Variants in LMNB1 observed in about 807,000 individuals in gnomAD.
LMNB1 encodes the protein lamin-B1.
A neutral mutation model predicts 67.1 loss-of-function variants in LMNB1; 23 were observed. The observed-to-expected ratio is 0.34, with a 90% CI of 0.25 to 0.49. The LOEUF (loss-of-function observed/expected upper bound fraction) is 0.49. Among genes scored for constraint, LMNB1 ranks in the 20% least tolerant of loss-of-function variants. The pLI is 0.99. For synonymous variants in LMNB1, 281 were observed against 282.9 expected (o/e 0.99, Z 0.07); for missense variants, 634 against 746.5 (o/e 0.85, Z 1.76).
intron 1 of LMNB1, among the ~76,000 whole-genome samples, chr5:126,779,162 A>G (rs973722467): frequency 2.6e-5 from 4 of 152,114 alleles, no homozygotes; most frequent in Non-Finnish European, 5.9e-5. Flanking sequence ...GATTTTGTGT[A>G]TTTTTACTTA....
chr5:126,782,078 C>CA (rs1387322545), intron 1 of LMNB1, among the ~76,000 whole-genome samples: 1 of 152,196 alleles, frequency 6.6e-6, no homozygotes, highest in African/African-American at 2.4e-5. Context: ...TGCCATCACT[C>CA]AACACTTTAA....
At chr5:126,811,980 G>A in intron 5 of LMNB1, 82 bp downstream of exon 5, 1 of 1,364,746 alleles carries the variant, frequency 7.3e-7, no homozygotes, top group East Asian at 2.4e-5. Context: ...TTGGGCTGAT[G>A]TCACTCCTCC....
At chr5:126,821,853 G>A (rs1236847530) in intron 7 of LMNB1, among the ~76,000 whole-genome samples, 2 of 151,986 alleles carry the variant, frequency 1.3e-5, no homozygotes, top group Non-Finnish European at 2.9e-5. Context: ...ATATGTTCAG[G>A]GCCTGCTAAA....
chr5:126,788,984 C>T (rs1171521742), intron 1 of LMNB1, among the ~76,000 whole-genome samples: 2 of 151,458 alleles, frequency 1.3e-5, no homozygotes, highest in African/African-American at 4.9e-5. Flanking sequence ...TAACCTGGAC[C>T]TCCCAGGCTC....
intron 1 of LMNB1, among the ~76,000 whole-genome samples, chr5:126,792,142 CTTT>C (rs5871231): frequency 1.7e-4 from 21 of 123,098 alleles, no homozygotes; most frequent in Non-Finnish European, 1.4e-4. Flanking sequence ...GATTTGGTTC[CTTT>C]TTTTTTTTTT....
chr5:126,832,948 A>G (rs183737744), intron 10 of LMNB1, 147 bp downstream of exon 10: 186 of 468,280 alleles, frequency 4.0e-4, no homozygotes, highest in African/African-American at 3.3e-3. Context: ...CCAAAGGGAT[A>G]TTCAAGGTGA....
rs111865788 is a variant in LMNB1 at position 126,777,211 on chromosome 5, G to T, written c.-298G>T. 0.057 allele frequency: 16,103 copies of T among 280,368 alleles called. 513 individuals are homozygous for T. The highest frequency in any genetic ancestry group is 0.079 in the South Asian group (483 of 6,104). The allele number at this position is 280,368 out of a possible 1,614,324, so 17.4% of individuals were successfully genotyped here. ...CGGCGCGAACCCTGCTGGGCCTCCAGTCACCCTCGTCTTGCATTTTCCCGC... is the reference window on the plus strand; with the variant it reads ...CGGCGCGAACCCTGCTGGGCCTCCATTCACCCTCGTCTTGCATTTTCCCGC... On this transcript the variant is annotated 5_prime_UTR_variant, in exon 1 of 11. Transcript: ENST00000261366.
At chr5:126,787,546 A>ATATTTTTTTTTTTT in intron 1 of LMNB1, among the ~76,000 whole-genome samples, 18 of 65,570 alleles carry the variant, frequency 2.7e-4, no homozygotes, top group African/African-American at 6.6e-4. Flanking sequence ...ATATATATAT[A>ATATTTTTTTTTTTT]TTTTTTTTTT....
At chr5:126,803,412 A>AT (rs1211184110) in intron 1 of LMNB1, among the ~76,000 whole-genome samples, 2 of 149,014 alleles carry the variant, frequency 1.3e-5, no homozygotes, top group African/African-American at 5.0e-5. Flanking sequence ...TGCCTGGATA[A>AT]TTTTTTTGTA....
Position 126,836,180 on chromosome 5 carries a change from C to A in LMNB1, c.1720-43C>A, listed in dbSNP as rs777438863. The stretch of plus-strand genomic sequence containing the variant: ...TTGTCTTATTTTAGAATACTGTGAT[C>A]TATTTCTTTAGTATTAATTTTTCCT... On this transcript the variant is annotated intron_variant, in intron 10 of 10. Transcript: ENST00000261366. 1.0e-5 allele frequency: 15 copies of A among 1,459,512 alleles called. No homozygotes were observed. The Admixed American group carries it at 1.7e-4, about 16-fold the overall frequency. The allele number at this position is 1,459,512 out of a possible 1,614,324, so 90.4% of individuals were successfully genotyped here.
At chr5:126,803,805 C>A (rs554233524) in intron 1 of LMNB1, among the ~76,000 whole-genome samples, 9 of 152,074 alleles carry the variant, frequency 5.9e-5, no homozygotes, top group Non-Finnish European at 7.3e-5. Flanking sequence ...CCAGCCTTGG[C>A]CTTCCAAAGT....
chr5:126,800,644 C>CT lies in LMNB1; in HGVS notation c.360-4107dup, dbSNP rs35363581. The stretch of plus-strand genomic sequence containing the variant: ...GACACTGGACCCTACACTGTATCTT[C>CT]TTTTTTTTTTTTTTTTTTTTTTTTT... On this transcript the variant is annotated intron_variant, in intron 1 of 10. Coordinates refer to ENST00000261366, the MANE Select transcript of LMNB1 (RefSeq NM_005573.4). Among the ~76,000 whole-genome samples, 492 of 53,928 alleles carry CT rather than the reference C, an allele frequency of 9.1e-3. 6 individuals carry two copies. The highest frequency in any genetic ancestry group is 0.018 in the African/African-American group (242 of 13,312). 35.4% of individuals were successfully genotyped at this position (53,928 alleles called of 152,430 possible).
rs143106303 is a variant in LMNB1 at position 126,810,293 on chromosome 5, A to G, written c.756A>G (p.Gln252=). The G allele has an allele frequency of 6.2e-6, 10 of 1,613,716 alleles. No homozygotes were observed. In the Middle Eastern group the frequency reaches 6.6e-4, roughly 106 times the overall value. The change falls in exon 4 of 11, where the codon CAA becomes CAG. Residue 252 remains glutamine, a synonymous_variant. Coordinates refer to ENST00000261366, the MANE Select transcript of LMNB1 (RefSeq NM_005573.4). ...LAQALHEMRE[Q]HDAQVRLYKE... ...AAGCCCTTCATGAGATGAGAGAGCA[A>G]CATGATGCCCAAGTGAGGCTGTATA... is the stretch of plus-strand genomic sequence containing the variant.
intron 7 of LMNB1, 47 bp downstream of exon 7, chr5:126,821,182 T>A: frequency 1.6e-6 from 2 of 1,254,188 alleles, no homozygotes; most frequent in Non-Finnish European, 2.3e-6. Flanking sequence ...TGTGGATTGC[T>A]AGATTCTCTT....
At chr5:126,818,485 A>G (rs1387688676) in intron 5 of LMNB1, among the ~76,000 whole-genome samples, 1 of 152,046 alleles carries the variant, frequency 6.6e-6, no homozygotes, top group Non-Finnish European at 1.5e-5. Context: ...CAGGTGATCC[A>G]CCTGCCCCGG....
intron 6 of LMNB1, 31 bp from the exon 7 acceptor site, chr5:126,820,879 A>G: frequency 6.5e-7 from 1 of 1,541,112 alleles, no homozygotes; most frequent in Non-Finnish European, 8.9e-7. Flanking sequence ...TATGTGTTTT[A>G]AAAATGAATT....
intron 1 of LMNB1, among the ~76,000 whole-genome samples, chr5:126,790,737 T>C (rs1750932086): frequency 6.6e-6 from 1 of 152,050 alleles, no homozygotes; most frequent in African/African-American, 2.4e-5. Context: ...ATAGTTTGGG[T>C]ATAGAATTCT....
intron 1 of LMNB1, among the ~76,000 whole-genome samples, chr5:126,787,554 T>A (rs1238048080): frequency 6.2e-5 from 7 of 113,670 alleles, no homozygotes; most frequent in East Asian, 4.3e-4. Context: ...ATATTTTTTT[T>A]TTTTTTTTTT....
chr5:126,828,579 C>CTTT (rs11372205), intron 9 of LMNB1, among the ~76,000 whole-genome samples: 3 of 141,980 alleles, frequency 2.1e-5, no homozygotes, highest in African/African-American at 2.6e-5. Context: ...TTGGTCCATT[C>CTTT]TTTTTTTTTT....
Sources: allele counts gnomAD v4.1 joint callset (sites outside exome capture counted in the v4.1 genomes callset), GRCh38; gene constraint gnomAD v4.1.1; transcripts MANE v1.5; gene names NCBI Gene and HGNC (gene_info 2026-07-23, HGNC 2026-07-21).